LNPEP: variants seen among roughly 807,000 people sequenced by gnomAD.
LNPEP encodes leucyl and cystinyl aminopeptidase, also known as leucyl-cystinyl aminopeptidase.
Under a neutral mutation model 120.6 loss-of-function variants are expected in LNPEP, and 64 were observed. That is an observed-to-expected ratio of 0.53 (90% CI 0.43 to 0.65). LNPEP has a LOEUF of 0.65. Among genes scored for constraint, LNPEP ranks in the 30% least tolerant of loss-of-function variants. LNPEP has a pLI of 0.00. For synonymous variants in LNPEP, 435 were observed against 425.4 expected (o/e 1.02, Z -0.28); for missense variants, 1,057 against 1,200.0 (o/e 0.88, Z 1.76).
At chr5:97,027,207 G>A (rs1432862469) in intron 16 of LNPEP, among the ~76,000 whole-genome samples, 1 of 152,070 alleles carries the variant, frequency 6.6e-6, no homozygotes, top group Non-Finnish European at 1.5e-5. Flanking sequence ...CCAAAAATTA[G>A]CCGGGCATGG....
intron 17 of LNPEP, 86 bp downstream of exon 17, chr5:97,027,900 T>C: frequency 1.3e-6 from 1 of 787,016 alleles, no homozygotes; most frequent in Non-Finnish European, 2.3e-6. Context: ...AGATGGTGGA[T>C]TTTCATGCTA....
intron 1 of LNPEP, among the ~76,000 whole-genome samples, chr5:96,957,317 G>A (rs62377827): frequency 0.22 from 34,058 of 152,108 alleles, 4,374 homozygotes; most frequent in Middle Eastern, 0.37. Context: ...GTGGCCAGTG[G>A]CTCCAATGTT....
intron 1 of LNPEP, chr5:96,958,393 G>T (rs1003312540): frequency 2.6e-6 from 2 of 754,964 alleles, no homozygotes; most frequent in African/African-American, 3.8e-5. Context: ...CAAGTTAATT[G>T]AATTACCTAA....
chr5:97,025,677 TAC>T (rs993421129), intron 15 of LNPEP, among the ~76,000 whole-genome samples: 1 of 152,240 alleles, frequency 6.6e-6, no homozygotes, highest in Non-Finnish European at 1.5e-5. Context: ...CGTACATACA[TAC>T]ACACATACCT....
chr5:96,983,056 T>A (rs888240173), intron 2 of LNPEP, among the ~76,000 whole-genome samples: 1 of 152,218 alleles, frequency 6.6e-6, no homozygotes, highest in African/African-American at 2.4e-5. Context: ...AGTCCTAATT[T>A]AACTATTAAG....
intron 16 of LNPEP, among the ~76,000 whole-genome samples, chr5:97,027,133 C>T (rs1387695006): frequency 6.6e-6 from 1 of 152,112 alleles, no homozygotes; most frequent in Non-Finnish European, 1.5e-5. Context: ...ATGGGCGGAT[C>T]ACGAGGTCAG....
chr5:96,953,534 G>C (rs569887331), intron 1 of LNPEP, among the ~76,000 whole-genome samples: 3 of 152,238 alleles, frequency 2.0e-5, no homozygotes, highest in African/African-American at 7.2e-5. Flanking sequence ...TTAAAGTCCT[G>C]TTTATGCCGT....
chr5:96,936,267 T>C (rs1581965809), intron 1 of LNPEP, 93 bp downstream of exon 1: 1 of 947,134 alleles, frequency 1.1e-6, no homozygotes, highest in Non-Finnish European at 1.4e-6. Flanking sequence ...TGCAGCCGTC[T>C]CCCCCAACAC....
intron 3 of LNPEP, among the ~76,000 whole-genome samples, 168 bp from the exon 4 acceptor site, chr5:96,986,371 C>T (rs1448546733): frequency 6.6e-6 from 1 of 152,178 alleles, no homozygotes. Context: ...GATGGTACAA[C>T]AGACTGAGAC....
At position 97,030,618 on chromosome 5, in the gene LNPEP, CTCTGTGTGTGTGTGTGTGTGTGTG is replaced by C. The variant is rs1791449865; in HGVS notation, c.*2087_*2110del. The C allele has an allele frequency of 1.5e-5, 1 of 68,564 alleles. No homozygotes were observed. Among genetic ancestry groups the C allele is most frequent in the African/African-American group, 4.4e-5 (1 of 22,588 alleles). The allele number at this position is 68,564 out of a possible 1,614,324, so 4.2% of individuals were successfully genotyped here. On this transcript the variant is annotated 3_prime_UTR_variant, in exon 18 of 18. Transcript: ENST00000231368. ...ATCATTTCTCTCCCTCTCTCTCTCT[CTCTGTGTGTGTGTGTGTGTGTGTG>C]TGTGTGTGTGTGTGTGTGTGTGTGT...
chr5:96,996,525 C>A, intron 7 of LNPEP, 22 bp downstream of exon 7: 1 of 1,222,500 alleles, frequency 8.2e-7, no homozygotes, highest in Non-Finnish European at 1.2e-6. Flanking sequence ...GTTTCTTTGG[C>A]CTACTATGAA....
intron 11 of LNPEP, chr5:97,010,964 G>C (rs982258032): frequency 2.0e-6 from 2 of 985,184 alleles, no homozygotes; most frequent in African/African-American, 1.7e-5. Flanking sequence ...GCTGTTGGCT[G>C]TACTGCTTTA....
At chr5:96,996,706 A>G (rs1238810291) in intron 7 of LNPEP, among the ~76,000 whole-genome samples, 1 of 152,142 alleles carries the variant, frequency 6.6e-6, no homozygotes, top group African/African-American at 2.4e-5. Flanking sequence ...GTTTCATTCA[A>G]AACTGAAATT....
chr5:96,970,471 G>A (rs1789833856), intron 1 of LNPEP, among the ~76,000 whole-genome samples: 1 of 151,914 alleles, frequency 6.6e-6, no homozygotes, highest in Non-Finnish European at 1.5e-5. Flanking sequence ...GTTTCTTGCT[G>A]TTTTGTCCCC....
At chr5:96,954,772 A>ATATTTT (rs1275200137) in intron 1 of LNPEP, among the ~76,000 whole-genome samples, 5 of 27,110 alleles carry the variant, frequency 1.8e-4, no homozygotes, top group African/African-American at 7.6e-4. Context: ...ATATATATAT[A>ATATTTT]TTTTTTTTTT....
At chr5:97,010,912 A>C in intron 11 of LNPEP, 4 of 985,344 alleles carry the variant, frequency 4.1e-6, no homozygotes, top group Non-Finnish European at 4.8e-6. Context: ...GAAAGAGACT[A>C]ATGATGTTGA....
intron 1 of LNPEP, among the ~76,000 whole-genome samples, chr5:96,941,698 C>CT (rs944423856): frequency 6.6e-6 from 1 of 152,092 alleles, no homozygotes; most frequent in Non-Finnish European, 1.5e-5. Context: ...CAAGAGTTCT[C>CT]TGTGTCCATG....
chr5:96,977,984 G>A (rs941536080), intron 1 of LNPEP, among the ~76,000 whole-genome samples: 7 of 152,006 alleles, frequency 4.6e-5, no homozygotes, highest in Admixed American at 1.3e-4. Context: ...TTATGAAGAC[G>A]AATTAATCTA....
At chr5:96,981,784 T>C (rs968907981) in intron 2 of LNPEP, among the ~76,000 whole-genome samples, 2 of 152,172 alleles carry the variant, frequency 1.3e-5, no homozygotes, top group African/African-American at 4.8e-5. Context: ...ACCTTGGAGT[T>C]AAATCTCAAA....
Sources: gnomAD v4.1 joint callset for allele counts (sites outside exome capture counted in the v4.1 genomes callset) on GRCh38, gnomAD v4.1.1 for gene constraint, MANE v1.5 for transcripts, NCBI Gene and HGNC (gene_info 2026-07-23, HGNC 2026-07-21) for gene names.